Variants in CSMD3 observed in about 807,000 individuals in gnomAD.
CSMD3 encodes the protein CUB and Sushi multiple domains 3.
In CSMD3, 177 loss-of-function variants were observed where a neutral mutation model predicts 435.2. The observed-to-expected ratio is 0.41, with a 90% CI of 0.36 to 0.46. CSMD3 has a LOEUF of 0.46. Ranked by LOEUF, CSMD3 falls within the 20% of genes least tolerant of loss-of-function variation. The pLI is 0.34. For missense variants in CSMD3, 4,265 were observed against 4,504.6 expected, an observed-to-expected ratio of 0.95 and a Z score of 1.52; for synonymous variants, 1,656 against 1,520.5, an observed-to-expected ratio of 1.09 and a Z score of -2.07.
intron 22 of CSMD3, among the ~76,000 whole-genome samples, chr8:112,630,287 T>C (rs916955415): frequency 6.6e-6 from 1 of 151,950 alleles, no homozygotes; most frequent in Non-Finnish European, 1.5e-5. Context: ...ATAAATTAGA[T>C]GAGAGAAAGC....
At chr8:112,240,458 G>A (rs1814010918) in intron 66 of CSMD3, among the ~76,000 whole-genome samples, 1 of 151,860 alleles carries the variant, frequency 6.6e-6, no homozygotes, top group African/African-American at 2.4e-5. Context: ...ATGGCATTCA[G>A]CATGTTTTCG....
chr8:112,470,925 C>A (rs557868994), intron 32 of CSMD3, among the ~76,000 whole-genome samples: 2 of 151,580 alleles, frequency 1.3e-5, no homozygotes, highest in African/African-American at 4.9e-5. Context: ...TTAAAAAAAA[C>A]AGTTTTAAAA....
rs149764876 is a variant in CSMD3, at chr8:113,124,781, T to A, written c.710-25818A>T. 1.5e-3 allele frequency among the ~76,000 whole-genome samples: 232 copies of A among 152,104 alleles called. 5 individuals carry two copies. The East Asian group carries it at 0.041, about 27-fold the overall frequency. On this transcript the variant is annotated intron_variant, in intron 4 of 70. Transcript: ENST00000297405. ...GAGACTTTGTTGTGTAAAGAATCTG[T>A]CATATTTGCCATCTTTTATCTTTGC...
At chr8:113,093,538 G>C (rs80218949) in intron 5 of CSMD3, among the ~76,000 whole-genome samples, 315 of 152,202 alleles carry the variant, frequency 2.1e-3, no homozygotes, top group East Asian at 0.012. Context: ...GTAAAAGACA[G>C]TTCCAGAGAA....
chr8:113,138,859 A>G (rs183468936), intron 4 of CSMD3, among the ~76,000 whole-genome samples: 195 of 150,684 alleles, frequency 1.3e-3, no homozygotes, highest in African/African-American at 4.4e-3. Context: ...CACATACTAC[A>G]TATATCTGAA....
In CSMD3 at chr8:112,224,611, T is replaced by C. The variant is rs1812404115; in HGVS notation, c.*160A>G. 5 of 733,222 alleles carry C rather than the reference T, an allele frequency of 6.8e-6. No individual in the cohort carries two copies. The highest frequency in any genetic ancestry group is 5.3e-5 in the East Asian group (2 of 37,994). 45.4% of individuals were successfully genotyped at this position (733,222 alleles called of 1,614,324 possible). ...TCTCCATGGTAAACATGAAGAATTA[T>C]GGTCCAGTTTATGAAAAAACACTCT... On this transcript the variant is annotated 3_prime_UTR_variant, in exon 71 of 71. Transcript: ENST00000297405.
At chr8:113,156,900 C>A (rs914626154) in intron 4 of CSMD3, among the ~76,000 whole-genome samples, 1 of 151,052 alleles carries the variant, frequency 6.6e-6, no homozygotes, top group East Asian at 2.0e-4. Context: ...CCACTTCAGT[C>A]CAGCCTGGGT....
intron 5 of CSMD3, among the ~76,000 whole-genome samples, chr8:113,070,645 C>A (rs1393200439): frequency 1.3e-5 from 2 of 151,892 alleles, no homozygotes; most frequent in African/African-American, 4.8e-5. Context: ...ACCATTCTAC[C>A]CTGTACTTCT....
intron 1 of CSMD3, among the ~76,000 whole-genome samples, chr8:113,319,333 AC>A (rs1042636361): frequency 6.6e-6 from 1 of 151,874 alleles, no homozygotes; most frequent in African/African-American, 2.4e-5. Flanking sequence ...CTTTTCATAT[AC>A]CTTTTTGCCA....
chr8:113,142,887 T>C (rs1374711290), intron 4 of CSMD3, among the ~76,000 whole-genome samples: 1 of 145,474 alleles, frequency 6.9e-6, no homozygotes, highest in Non-Finnish European at 1.5e-5. Flanking sequence ...TATATATATA[T>C]ACCTACTATG....
At chr8:112,813,134 A>G (rs576003099) in intron 12 of CSMD3, among the ~76,000 whole-genome samples, 63 of 152,298 alleles carry the variant, frequency 4.1e-4, no homozygotes, top group African/African-American at 1.5e-3. Context: ...GGCTGACCAC[A>G]GTGAGTGATA....
chr8:112,957,712 T>C (rs956187269), intron 7 of CSMD3, among the ~76,000 whole-genome samples: 3 of 147,436 alleles, frequency 2.0e-5, no homozygotes, highest in African/African-American at 7.6e-5. Context: ...CCTTCCAAAG[T>C]GCTGGGAAAC....
chr8:113,006,924 T>G (rs2086079632), intron 6 of CSMD3, among the ~76,000 whole-genome samples: 1 of 151,932 alleles, frequency 6.6e-6, no homozygotes, highest in Admixed American at 6.6e-5. Flanking sequence ...AGCTTAAATG[T>G]CAGGACCAGA....
intron 4 of CSMD3, among the ~76,000 whole-genome samples, chr8:113,165,773 G>A (rs1014007573): frequency 1.3e-5 from 2 of 151,964 alleles, no homozygotes; most frequent in Non-Finnish European, 2.9e-5. Context: ...TTGAACAATA[G>A]AGTAAACCAA....
chr8:112,987,972 T>G (rs762668857), intron 6 of CSMD3, among the ~76,000 whole-genome samples: 8 of 151,974 alleles, frequency 5.3e-5, no homozygotes, highest in Non-Finnish European at 1.2e-4. Context: ...ATGAAGATGA[T>G]GTACACATCA....
At chr8:112,285,728 T>C (rs1489511458) in intron 58 of CSMD3, among the ~76,000 whole-genome samples, 4 of 152,138 alleles carry the variant, frequency 2.6e-5, no homozygotes, top group African/African-American at 7.2e-5. Flanking sequence ...TTTTTATCTT[T>C]CTTTTTTTTT....
rs1215851684 is a variant in CSMD3 at position 112,319,014 on chromosome 8, T to C, written c.7247-64A>G. ...AGGTGATGATAAAAATAAACAAATA[T>C]TTCAATTGTAGGAGAATATTTTCTC... On this transcript the variant is annotated intron_variant, in intron 46 of 70. Coordinates refer to ENST00000297405, the MANE Select transcript of CSMD3 (RefSeq NM_198123.2). The C allele has an allele frequency of 3.2e-6, 3 of 932,992 alleles. No individual in the cohort carries two copies. The African/African-American group carries it at 4.9e-5, about 15-fold the overall frequency. 57.8% of individuals were successfully genotyped at this position (932,992 alleles called of 1,614,324 possible).
chr8:112,459,360 G>GT lies in CSMD3; in HGVS notation c.5395+13230_5395+13231insA, dbSNP rs1563563562. 6.0e-3 allele frequency among the ~76,000 whole-genome samples: 406 copies of GT among 67,660 alleles called. 3 individuals carry two copies. Among genetic ancestry groups the GT allele is most frequent in the East Asian group, 0.03 (42 of 1,412 alleles). 44.4% of individuals were successfully genotyped at this position (67,660 alleles called of 152,430 possible). A position where few individuals can be genotyped will look rare whatever the true frequency, so the allele number is the denominator to read the frequency against. On this transcript the variant is annotated intron_variant, in intron 32 of 70. Coordinates refer to ENST00000297405, the MANE Select transcript of CSMD3 (RefSeq NM_198123.2). ...TGTGTGTGTGTTGTGTGTGTGTGTG[G>GT]GGGGGGGGGGTTTATTCAATTATGT...
At chr8:112,945,620 GTGTGTA>G (rs1317972860) in intron 9 of CSMD3, among the ~76,000 whole-genome samples, 2 of 148,324 alleles carry the variant, frequency 1.3e-5, no homozygotes, top group Non-Finnish European at 3.0e-5. Context: ...GTGTGTGTGT[GTGTGTA>G]TAATATTCTG....
Sources: allele counts gnomAD v4.1 joint callset (sites outside exome capture counted in the v4.1 genomes callset), GRCh38; gene constraint gnomAD v4.1.1; transcripts MANE v1.5; gene names NCBI Gene and HGNC (gene_info 2026-07-23, HGNC 2026-07-21).